ADH7: variants seen among roughly 807,000 people sequenced by gnomAD.
ADH7 encodes all-trans-retinol dehydrogenase [NAD(+)] ADH7.
In ADH7, 41 loss-of-function variants were observed where a neutral mutation model predicts 34.4. The observed-to-expected ratio is 1.19, with a 90% CI of 0.93 to 1.55. ADH7 has a LOEUF of 1.55. Ranked by LOEUF, ADH7 falls within the 40% of genes most tolerant of loss-of-function variation. The probability of loss-of-function intolerance (pLI) is 0.00; values close to 1 mark genes in which losing one functional copy is unlikely to be tolerated. For missense variants in ADH7, 540 were observed against 461.2 expected (o/e 1.17, Z -1.56); for synonymous variants, 180 against 160.9 (o/e 1.12, Z -0.90).
chr4:99,427,909 G>T lies in ADH7; in HGVS notation c.428C>A (p.Thr143Asn), dbSNP rs772325568. The change falls in exon 5 of 9, where the codon ACC becomes AAC. Residue 143 changes from threonine (T) to asparagine (N), a missense_variant. Physicochemically the swap from Thr to Asn is moderately conservative, Grantham distance 65 (BLOSUM62 0). Coordinates refer to ENST00000437033, the MANE Select transcript of ADH7 (RefSeq NM_000673.7). ...CACTGTGTACTCGGTAAATGTACTGGTGTTCATGAAGTGGTGGACTGGTTT... is the reference window on the plus strand; with the variant it reads ...CACTGTGTACTCGGTAAATGTACTGTTGTTCATGAAGTGGTGGACTGGTTT... Reference protein sequence around the residue: ...KGKPVHHFMNTSTFTEYTVVD... With the variant: ...KGKPVHHFMNNSTFTEYTVVD... 4 of 1,614,008 alleles carry T rather than the reference G, an allele frequency of 2.5e-6. 1 individual carries two copies. In the South Asian group the frequency reaches 4.4e-5, roughly 18 times the overall value.
chr4:99,426,545 A>C (rs1347260013), intron 5 of ADH7, among the ~76,000 whole-genome samples: 1 of 152,126 alleles, frequency 6.6e-6, no homozygotes, highest in African/African-American at 2.4e-5. Flanking sequence ...CAATAACAGG[A>C]TCTGAAATTG....
At chr4:99,419,184 G>A in intron 6 of ADH7, 63 bp from the exon 7 acceptor site, 4 of 1,556,660 alleles carry the variant, frequency 2.6e-6, no homozygotes, top group South Asian at 2.4e-5. Context: ...CATAAGCTCT[G>A]AAATGACCTA....
chr4:99,428,204 C>T (rs1721858807), intron 3 of ADH7, 30 bp from the exon 4 acceptor site: 1 of 1,565,842 alleles, frequency 6.4e-7, no homozygotes, highest in Admixed American at 1.7e-5. Flanking sequence ...ATATAAGATG[C>T]TGTTCATTAA....
rs185298109 is a variant in ADH7 at position 99,431,773 on chromosome 4, A to G, written c.19-2140T>C. On this transcript the variant is annotated intron_variant, in intron 1 of 8. Coordinates refer to ENST00000437033, the MANE Select transcript of ADH7 (RefSeq NM_000673.7). ...ATGCAAATCAAAACCACAATGAGGT[A>G]CTATCTCATATCAGTCAGAATGACT... is the stretch of plus-strand genomic sequence containing the variant. 1.4e-3 allele frequency among the ~76,000 whole-genome samples: 217 copies of G among 152,334 alleles called. 1 individual carries two copies. The highest frequency in any genetic ancestry group is 4.9e-3 in the African/African-American group (202 of 41,576).
At chr4:99,427,507 A>T (rs1721836118) in intron 5 of ADH7, among the ~76,000 whole-genome samples, 1 of 152,152 alleles carries the variant, frequency 6.6e-6, no homozygotes, top group African/African-American at 2.4e-5. Context: ...ACATATGGGG[A>T]AGGGGTATAT....
At chr4:99,420,422 C>G in intron 6 of ADH7, 111 bp downstream of exon 6, 3 of 1,258,806 alleles carry the variant, frequency 2.4e-6, no homozygotes, top group Middle Eastern at 2.4e-4. Flanking sequence ...AACTGACTAT[C>G]GCAGAGATAT....
chr4:99,418,901 AG>A, intron 7 of ADH7, 84 bp downstream of exon 7: 1 of 1,485,622 alleles, frequency 6.7e-7, no homozygotes, highest in South Asian at 1.3e-5. Context: ...CTTGGAAGAA[AG>A]GCCTGAGGAA....
At chr4:99,418,034 G>C (rs1162852017) in intron 7 of ADH7, among the ~76,000 whole-genome samples, 1 of 151,884 alleles carries the variant, frequency 6.6e-6, no homozygotes, top group Non-Finnish European at 1.5e-5. Context: ...GAGCTATAGG[G>C]GCAAAAAACT....
At position 99,419,042 on chromosome 4, in the gene ADH7, G is replaced by C; in HGVS notation, c.905C>G (p.Thr302Ser). The C allele has an allele frequency of 9.3e-6, 15 of 1,613,890 alleles. No homozygotes were observed. Among genetic ancestry groups the C allele is most frequent in the Non-Finnish European group, 1.3e-5 (15 of 1,179,874 alleles). The change falls in exon 7 of 9, where the codon ACC becomes AGC. Residue 302 changes from threonine to serine, a missense_variant. Thr to Ser is a moderately conservative substitution (Grantham distance 58). Transcript: ENST00000437033. The part of the protein sequence containing the change: ...VGVPPSAKML[T>S]YDPMLLFTGR... ...AGTGAAGAGCAACATCGGGTCATAG[G>C]TGAGCATCTTGGCTGATGGAGGAAC...
chr4:99,419,056 T>G lies in ADH7; in HGVS notation c.891A>C (p.Ser297=). Residue 297 remains serine, a synonymous_variant, in exon 7 of 9, where the codon TCA becomes TCC. Coordinates refer to ENST00000437033, the MANE Select transcript of ADH7 (RefSeq NM_000673.7). ...TCGGGTCATAGGTGAGCATCTTGGC[T>G]GATGGAGGAACTCCTACAACCACGC... ...GTSVVVGVPP[S]AKMLTYDPML... The G allele has an allele frequency of 1.2e-6, 2 of 1,613,870 alleles. No homozygotes were observed. Among genetic ancestry groups the G allele is most frequent in the South Asian group, 2.2e-5 (2 of 91,076 alleles).
Position 99,416,136 on chromosome 4 carries a change from A to G in ADH7, c.962-520T>C, listed in dbSNP as rs151174123. On this transcript the variant is annotated intron_variant, in intron 7 of 8. Coordinates refer to ENST00000437033, the MANE Select transcript of ADH7 (RefSeq NM_000673.7). Reference sequence around the variant, plus strand: ...CACATGTATCCCAGAACTTAAAGTAAAATAAAAATTAAATTAAATTAAAAA... The same window carrying G: ...CACATGTATCCCAGAACTTAAAGTAGAATAAAAATTAAATTAAATTAAAAA... 6.8e-3 allele frequency among the ~76,000 whole-genome samples: 1,036 copies of G among 152,254 alleles called. 9 individuals are homozygous for G. Among genetic ancestry groups the G allele is most frequent in the Admixed American group, 9.0e-3 (137 of 15,290 alleles).
intron 5 of ADH7, among the ~76,000 whole-genome samples, chr4:99,421,733 G>C (rs1437749546): frequency 6.6e-6 from 1 of 152,028 alleles, no homozygotes; most frequent in African/African-American, 2.4e-5. Context: ...AATGGGAGGA[G>C]ATTTTTGTGA....
At chr4:99,426,741 G>C (rs1436897882) in intron 5 of ADH7, among the ~76,000 whole-genome samples, 2 of 152,030 alleles carry the variant, frequency 1.3e-5, no homozygotes, top group Non-Finnish European at 2.9e-5. Flanking sequence ...ATCAAAGCTG[G>C]GTAGAGACAC....
At chr4:99,433,744 C>T (rs1413742586) in intron 1 of ADH7, among the ~76,000 whole-genome samples, 3 of 152,124 alleles carry the variant, frequency 2.0e-5, no homozygotes, top group Non-Finnish European at 4.4e-5. Flanking sequence ...ACACAGGCCT[C>T]AGAAGAAACC....
chr4:99,415,705 C>T, intron 7 of ADH7, 89 bp from the exon 8 acceptor site: 1 of 1,343,290 alleles, frequency 7.4e-7, no homozygotes, highest in Non-Finnish European at 1.0e-6. Flanking sequence ...CTTTCCTGCA[C>T]TATGACTTTC....
At chr4:99,432,326 T>C (rs902343651) in intron 1 of ADH7, among the ~76,000 whole-genome samples, 1 of 151,846 alleles carries the variant, frequency 6.6e-6, no homozygotes, top group Non-Finnish European at 1.5e-5. Context: ...GGGTGGAAGG[T>C]GGAGGGAGGG....
chr4:99,417,657 C>A (rs955267009), intron 7 of ADH7, among the ~76,000 whole-genome samples: 1 of 152,116 alleles, frequency 6.6e-6, no homozygotes, highest in Non-Finnish European at 1.5e-5. Flanking sequence ...TTCCTGAGAT[C>A]AGGGACTTGG....
At chr4:99,424,775 G>A (rs1249879037) in intron 5 of ADH7, among the ~76,000 whole-genome samples, 5 of 152,056 alleles carry the variant, frequency 3.3e-5, no homozygotes, top group South Asian at 2.1e-4. Context: ...GAGATTTTGG[G>A]CTGAGACAAT....
At chr4:99,423,227 A>G (rs1721712678) in intron 5 of ADH7, among the ~76,000 whole-genome samples, 1 of 149,386 alleles carries the variant, frequency 6.7e-6, no homozygotes, top group Admixed American at 6.7e-5. Context: ...TTATGGCTGC[A>G]TAGTATTCCA....
Sources: gnomAD v4.1 joint callset for allele counts (sites outside exome capture counted in the v4.1 genomes callset) on GRCh38, gnomAD v4.1.1 for gene constraint, MANE v1.5 for transcripts, NCBI Gene and HGNC (gene_info 2026-07-23, HGNC 2026-07-21) for gene names.